CACNA1E: variants seen among roughly 807,000 people sequenced by gnomAD.
CACNA1E encodes voltage-dependent R-type calcium channel subunit alpha-1E.
A neutral mutation model predicts 259.2 loss-of-function variants in CACNA1E; 40 were observed. The observed-to-expected ratio is 0.15, with a 90% CI of 0.12 to 0.20. The LOEUF is 0.20. Among genes scored for constraint, CACNA1E ranks in the 10% least tolerant of loss-of-function variants. The probability of loss-of-function intolerance (pLI) is 1.00; values close to 1 mark genes in which losing one functional copy is unlikely to be tolerated. For missense variants in CACNA1E, 1,874 were observed against 3,040.1 expected (o/e 0.62, Z 9.02); for synonymous variants, 1,104 against 1,138.5 (o/e 0.97, Z 0.61).
rs966036413 is a variant in CACNA1E at position 181,548,834 on chromosome 1, T to G, written c.513-28932T>G. Among the ~76,000 whole-genome samples the G allele has an allele frequency of 9.9e-5, 15 of 152,244 alleles. No individual in the cohort carries two copies. In the East Asian group the frequency reaches 2.1e-3, roughly 21 times the overall value. On this transcript the variant is annotated intron_variant, in intron 3 of 47. Coordinates refer to ENST00000367573, the MANE Select transcript of CACNA1E (RefSeq NM_001205293.3). ...TAAATGACTTTCGTCTTATCCATCA[T>G]GTTTAGTTGGCTAAGCCTCTTCCTC...
rs754365731 is a variant in CACNA1E, at chr1:181,717,252, G to C, written c.1475G>C (p.Cys492Ser). 6.2e-7 allele frequency: 1 copy of C among 1,613,994 alleles called. No homozygotes were observed. Among genetic ancestry groups the C allele is most frequent in the Admixed American group, 1.7e-5 (1 of 60,032 alleles). Residue 492 changes from cysteine (C) to serine (S), a missense_variant, in exon 11 of 48, where the codon TGT becomes TCT. Cys to Ser is a moderately radical substitution (Grantham distance 112). Transcript: ENST00000367573. ...VLSLVALNTACVAIVHHNQPQ... is the reference protein window; with the variant it reads ...VLSLVALNTASVAIVHHNQPQ... ...AGCCTTGTGGCACTCAACACTGCCTGTGTGGCCATTGTCCATCACAACCAG... is the reference window on the plus strand; with the variant it reads ...AGCCTTGTGGCACTCAACACTGCCTCTGTGGCCATTGTCCATCACAACCAG...
In CACNA1E at chr1:181,651,459, C is replaced by T; in HGVS notation, c.1055+18C>T. The T allele has an allele frequency of 1.3e-6, 2 of 1,541,408 alleles. No individual in the cohort carries two copies. Among genetic ancestry groups the T allele is most frequent in the African/African-American group, 1.4e-5 (1 of 73,450 alleles). ...CTTTCCGGGTGAGCCAGATGTTTCTCTCTTCTTAACTCATTTGCTGACTGC... is the reference window on the plus strand; with the variant it reads ...CTTTCCGGGTGAGCCAGATGTTTCTTTCTTCTTAACTCATTTGCTGACTGC... On this transcript the variant is annotated intron_variant, in intron 7 of 47. Coordinates refer to ENST00000367573, the MANE Select transcript of CACNA1E (RefSeq NM_001205293.3).
chr1:181,341,488 C>G (rs1362387161), intron 1 of CACNA1E, among the ~76,000 whole-genome samples: 1 of 152,188 alleles, frequency 6.6e-6, no homozygotes, highest in African/African-American at 2.4e-5. Flanking sequence ...CCTTATTCTC[C>G]CACTTTAGCA....
intron 7 of CACNA1E, among the ~76,000 whole-genome samples, chr1:181,681,720 C>G (rs1455052258): frequency 6.6e-6 from 1 of 152,206 alleles, no homozygotes; most frequent in Non-Finnish European, 1.5e-5. Flanking sequence ...GAATGCTGGT[C>G]TACCACCTAC....
intron 3 of CACNA1E, among the ~76,000 whole-genome samples, chr1:181,548,502 A>C (rs7524309): frequency 6.6e-6 from 1 of 152,124 alleles, no homozygotes; most frequent in East Asian, 1.9e-4. Flanking sequence ...GCCTCCTCCT[A>C]TGTTTCTGGG....
At chr1:181,790,149 ACAAT>A (rs1309454579) in intron 43 of CACNA1E, among the ~76,000 whole-genome samples, 1 of 152,236 alleles carries the variant, frequency 6.6e-6, no homozygotes, top group Admixed American at 6.5e-5. Context: ...AAATAGGTTT[ACAAT>A]CTAGTGTTGC....
intron 6 of CACNA1E, among the ~76,000 whole-genome samples, chr1:181,584,347 C>T (rs980483737): frequency 7.9e-5 from 12 of 152,264 alleles, no homozygotes; most frequent in African/African-American, 1.4e-4. Context: ...GTATGCTTTC[C>T]GCATCTGTTG....
chr1:181,486,741 T>C (rs958397342), intron 1 of CACNA1E, among the ~76,000 whole-genome samples: 1 of 152,210 alleles, frequency 6.6e-6, no homozygotes, highest in Admixed American at 6.5e-5. Context: ...ATTATCTAAT[T>C]ACCCAGTAAT....
intron 1 of CACNA1E, among the ~76,000 whole-genome samples, chr1:181,368,492 A>C (rs72729337): frequency 0.011 from 1,648 of 152,352 alleles, 12 homozygotes; most frequent in Non-Finnish European, 0.018. Flanking sequence ...ATATCAATTT[A>C]TGTGAGAGAA....
At chr1:181,491,193 C>T (rs988753556) in intron 1 of CACNA1E, among the ~76,000 whole-genome samples, 3 of 152,200 alleles carry the variant, frequency 2.0e-5, no homozygotes, top group Non-Finnish European at 2.9e-5. Context: ...TTTCTATCAG[C>T]GACCATTCCT....
At chr1:181,636,549 C>T (rs1471043214) in intron 6 of CACNA1E, among the ~76,000 whole-genome samples, 5 of 152,124 alleles carry the variant, frequency 3.3e-5, no homozygotes, top group Admixed American at 6.5e-5. Context: ...GGGGCTGGAC[C>T]TCAATGTGGG....
At position 181,799,479 on chromosome 1, in the gene CACNA1E, A is replaced by G. The variant is rs1392250073; in HGVS notation, c.*645A>G. 6.5e-6 allele frequency: 1 copy of G among 152,798 alleles called. No individual in the cohort carries two copies. Among genetic ancestry groups the G allele is most frequent in the Non-Finnish European group, 1.5e-5 (1 of 68,150 alleles). 9.5% of individuals were successfully genotyped at this position (152,798 alleles called of 1,614,324 possible). ...AGGGCTGGTCTGGACAAGAAAAGCC[A>G]TAGCCCGGCAGCCCCTACCATGAGG... On this transcript the variant is annotated 3_prime_UTR_variant, in exon 48 of 48. Transcript: ENST00000367573.
At chr1:181,733,369 G>C (rs959394959) in intron 20 of CACNA1E, 68 bp from the exon 21 acceptor site, 2 of 1,355,326 alleles carry the variant, frequency 1.5e-6, no homozygotes, top group Non-Finnish European at 2.0e-6. Context: ...CCTTCCCCTT[G>C]TGCCAGGCAC....
At chr1:181,327,837 CAGTT>C (rs1650914318) in intron 1 of CACNA1E, among the ~76,000 whole-genome samples, 1 of 152,206 alleles carries the variant, frequency 6.6e-6, no homozygotes, top group South Asian at 2.1e-4. Context: ...CCTAAAACAA[CAGTT>C]AGCATTTCTC....
At chr1:181,755,139 G>A (rs1657976766) in intron 27 of CACNA1E, 98 bp from the exon 28 acceptor site, 1 of 877,736 alleles carries the variant, frequency 1.1e-6, no homozygotes, top group Non-Finnish European at 1.7e-6. Flanking sequence ...CAACTTCTTG[G>A]TGGGGCTGGG....
chr1:181,387,382 A>G (rs1557961562), intron 1 of CACNA1E, among the ~76,000 whole-genome samples: 1 of 152,236 alleles, frequency 6.6e-6, no homozygotes, highest in African/African-American at 2.4e-5. Flanking sequence ...TGATTAAAAA[A>G]AGGGCCTATT....
At chr1:181,750,014 G>C (rs540435563) in intron 25 of CACNA1E, among the ~76,000 whole-genome samples, 121 of 152,394 alleles carry the variant, frequency 7.9e-4, no homozygotes, top group African/African-American at 2.9e-3. Context: ...GCCAGTGTGT[G>C]AGAGAATTTC....
rs766170589 is a variant in CACNA1E, at chr1:181,726,019, T to C, written c.2143-46T>C. On this transcript the variant is annotated intron_variant, in intron 17 of 47. Transcript: ENST00000367573. ...GGAGAGCAGCCAAGGGAAGCTACTC[T>C]CCTTCCTGGGGATCCCAGGCAAAGC... 20 of 1,379,844 alleles carry C rather than the reference T, an allele frequency of 1.4e-5. No individual in the cohort carries two copies. The Middle Eastern group carries it at 5.5e-4, about 38-fold the overall frequency. 85.5% of individuals were successfully genotyped at this position (1,379,844 alleles called of 1,614,324 possible).
intron 43 of CACNA1E, among the ~76,000 whole-genome samples, chr1:181,788,222 G>C (rs1292059658): frequency 6.6e-6 from 1 of 152,184 alleles, no homozygotes; most frequent in Non-Finnish European, 1.5e-5. Flanking sequence ...AAAGGGGAAG[G>C]AGGAAGCAAA....
Sources: allele counts gnomAD v4.1 joint callset (sites outside exome capture counted in the v4.1 genomes callset), GRCh38; gene constraint gnomAD v4.1.1; transcripts MANE v1.5; gene names NCBI Gene and HGNC (gene_info 2026-07-23, HGNC 2026-07-21).